Variants in STAU2 observed in about 807,000 individuals in gnomAD.
STAU2 encodes the protein double-stranded RNA-binding protein Staufen homolog 2.
In STAU2, 20 loss-of-function variants were observed where a neutral mutation model predicts 65.9. The ratio of observed to expected loss-of-function variants is 0.30; its 90% confidence interval spans 0.21 to 0.44. The LOEUF is 0.44. Ranked by LOEUF, STAU2 falls within the 20% of genes least tolerant of loss-of-function variation. The probability of loss-of-function intolerance (pLI) is 1.00; values close to 1 mark genes in which losing one functional copy is unlikely to be tolerated. For synonymous variants in STAU2, 232 were observed against 233.9 expected, an observed-to-expected ratio of 0.99 and a Z score of 0.07; for missense variants, 558 against 683.9, an observed-to-expected ratio of 0.82 and a Z score of 2.05.
At chr8:73,561,222 T>G (rs1236098905) in intron 12 of STAU2, among the ~76,000 whole-genome samples, 2 of 152,064 alleles carry the variant, frequency 1.3e-5, no homozygotes, top group African/African-American at 4.8e-5. Context: ...TGCAGGGAAG[T>G]GATTGGGGAG....
intron 4 of STAU2, among the ~76,000 whole-genome samples, chr8:73,702,054 T>C (rs1045607392): frequency 6.6e-6 from 1 of 151,840 alleles, no homozygotes; most frequent in Non-Finnish European, 1.5e-5. Flanking sequence ...AGATAGAGAA[T>C]AGAAGGATGG....
rs199984076 is a variant in STAU2 at position 73,432,962 on chromosome 8, G to A, written c.1531-10260C>T. Among the ~76,000 whole-genome samples the A allele has an allele frequency of 7.2e-5, 11 of 152,226 alleles. No individual in the cohort carries two copies. The East Asian group carries it at 1.7e-3, about 24-fold the overall frequency. ...GAATTTGGGGAATTCATTTAAAATC[G>A]AGCACTTAAATCACAGACCTAGCCA... On this transcript the variant is annotated intron_variant, in intron 13 of 14. Coordinates refer to ENST00000524300, the MANE Select transcript of STAU2 (RefSeq NM_001164380.2).
intron 13 of STAU2, among the ~76,000 whole-genome samples, chr8:73,540,050 T>C (rs1294118662): frequency 6.6e-6 from 1 of 151,756 alleles, no homozygotes; most frequent in Non-Finnish European, 1.5e-5. Context: ...AATATACAGA[T>C]TAAAGGAAAA....
intron 3 of STAU2, among the ~76,000 whole-genome samples, chr8:73,713,430 A>T (rs954421701): frequency 1.3e-5 from 2 of 152,282 alleles, no homozygotes; most frequent in Middle Eastern, 3.4e-3. Flanking sequence ...GAAGAAACAG[A>T]CACAGACAAT....
chr8:73,612,261 G>A (rs1191834454), intron 9 of STAU2, among the ~76,000 whole-genome samples: 1 of 152,152 alleles, frequency 6.6e-6, no homozygotes, highest in Admixed American at 6.5e-5. Context: ...TAATAACAAT[G>A]AATACTTAAT....
Position 73,554,003 on chromosome 8 carries a change from G to C in STAU2, c.1223-1684C>G, listed in dbSNP as rs191511275. Among the ~76,000 whole-genome samples the C allele has an allele frequency of 1.8e-4, 27 of 151,962 alleles. 1 individual carries two copies. The highest frequency in any genetic ancestry group is 2.6e-4 in the Admixed American group (4 of 15,262). ...CATTTTTCCTTGATTCTCTGTGTTTGTGTCTGCACAAACTGGCCTCATACT... is the reference window on the plus strand; with the variant it reads ...CATTTTTCCTTGATTCTCTGTGTTTCTGTCTGCACAAACTGGCCTCATACT... On this transcript the variant is annotated intron_variant, in intron 12 of 14. Coordinates refer to ENST00000524300, the MANE Select transcript of STAU2 (RefSeq NM_001164380.2).
At chr8:73,468,781 C>T (rs1428639171) in intron 13 of STAU2, among the ~76,000 whole-genome samples, 1 of 152,002 alleles carries the variant, frequency 6.6e-6, no homozygotes, top group African/African-American at 2.4e-5. Flanking sequence ...GTTAGAATGG[C>T]AATCATTAAA....
chr8:73,720,499 CTTTTTTT>C (rs1174035145), intron 3 of STAU2, among the ~76,000 whole-genome samples: 828 of 39,104 alleles, frequency 0.021, 72 homozygotes, highest in African/African-American at 0.1. Context: ...AAAATACTTT[CTTTTTTT>C]TTTTTTTTTT....
At chr8:73,500,929 G>C (rs1221109479) in intron 13 of STAU2, among the ~76,000 whole-genome samples, 1 of 151,878 alleles carries the variant, frequency 6.6e-6, no homozygotes, top group East Asian at 1.9e-4. Flanking sequence ...CTCCAATGAT[G>C]CATTAACTAA....
intron 13 of STAU2, among the ~76,000 whole-genome samples, chr8:73,496,568 A>T (rs74505126): frequency 0.11 from 16,763 of 151,704 alleles, 1,276 homozygotes; most frequent in African/African-American, 0.22. Context: ...AAAAGTGTTG[A>T]TCTAGACCAG....
At chr8:73,427,102 G>GT (rs1299852741) in intron 13 of STAU2, among the ~76,000 whole-genome samples, 2 of 151,792 alleles carry the variant, frequency 1.3e-5, no homozygotes, top group Non-Finnish European at 2.9e-5. Flanking sequence ...TTACTTTTGT[G>GT]TTTTTAGTAG....
intron 6 of STAU2, among the ~76,000 whole-genome samples, chr8:73,634,147 TAATTA>T (rs1210939812): frequency 2.0e-5 from 3 of 152,248 alleles, no homozygotes; most frequent in Non-Finnish European, 2.9e-5. Flanking sequence ...ATTCTTCACC[TAATTA>T]TATTGGTAAA....
chr8:73,643,328 T>C (rs1412657307), intron 6 of STAU2, among the ~76,000 whole-genome samples: 1 of 152,198 alleles, frequency 6.6e-6, no homozygotes, highest in African/African-American at 2.4e-5. Flanking sequence ...CGTTAAGTAT[T>C]ACCACCCAGT....
intron 13 of STAU2, 107 bp from the exon 14 acceptor site, chr8:73,422,809 ATT>A: frequency 1.3e-6 from 1 of 759,184 alleles, no homozygotes; most frequent in South Asian, 3.0e-5. Context: ...AGTCTACATA[ATT>A]TTTTTTTGCA....
chr8:73,436,888 ATT>A (rs1311851942), intron 13 of STAU2, among the ~76,000 whole-genome samples: 2 of 152,004 alleles, frequency 1.3e-5, no homozygotes, highest in African/African-American at 4.8e-5. Flanking sequence ...TGCCTGGTCT[ATT>A]TTGCCAATCT....
chr8:73,481,176 G>A (rs944992663), intron 13 of STAU2, among the ~76,000 whole-genome samples: 3 of 152,070 alleles, frequency 2.0e-5, no homozygotes, highest in African/African-American at 7.2e-5. Flanking sequence ...GGGAACCACT[G>A]TCTTGCTTTT....
intron 3 of STAU2, among the ~76,000 whole-genome samples, chr8:73,709,550 T>C (rs1223615004): frequency 6.6e-6 from 1 of 152,052 alleles, no homozygotes. Context: ...TCGTTTCATC[T>C]CAATTTTTTT....
At chr8:73,649,166 G>T (rs1360119807) in intron 6 of STAU2, among the ~76,000 whole-genome samples, 1 of 152,160 alleles carries the variant, frequency 6.6e-6, no homozygotes, top group Non-Finnish European at 1.5e-5. Context: ...GTTCAATGGT[G>T]TAATAGTTCA....
At chr8:73,559,040 C>T (rs1169171410) in intron 12 of STAU2, among the ~76,000 whole-genome samples, 4 of 152,180 alleles carry the variant, frequency 2.6e-5, no homozygotes, top group Non-Finnish European at 5.9e-5. Context: ...GCATGATTAT[C>T]TGTCTCTAGT....
Sources: allele counts gnomAD v4.1 joint callset (sites outside exome capture counted in the v4.1 genomes callset), GRCh38; gene constraint gnomAD v4.1.1; transcripts MANE v1.5; gene names NCBI Gene and HGNC (gene_info 2026-07-23, HGNC 2026-07-21).